Variants in GRM7 observed in about 807,000 individuals in gnomAD.
The protein encoded by GRM7 is glutamate metabotropic receptor 7, also known as metabotropic glutamate receptor 7.
GRM7 carries 35 observed loss-of-function variants against 84.5 expected under a neutral mutation model. That is an observed-to-expected ratio of 0.41 (90% CI 0.32 to 0.55). The LOEUF is 0.55. Among genes scored for constraint, GRM7 ranks in the 20% least tolerant of loss-of-function variants. GRM7 has a pLI of 0.19. For missense variants in GRM7, 1,003 were observed against 1,194.6 expected (o/e 0.84, Z 2.36); for synonymous variants, 487 against 455.1 (o/e 1.07, Z -0.89).
intron 1 of GRM7, among the ~76,000 whole-genome samples, chr3:7,043,712 A>G (rs1162800015): frequency 6.6e-6 from 1 of 152,152 alleles, no homozygotes; most frequent in Non-Finnish European, 1.5e-5. Flanking sequence ...AATGCACCTG[A>G]TGTTCTCTTG....
rs73810820 is a variant in GRM7 at position 7,632,536 on chromosome 3, C to G, written c.2452-47513C>G. On this transcript the variant is annotated intron_variant, in intron 8 of 9. Transcript: ENST00000357716. Reference sequence around the variant, plus strand: ...AAAATGGCAAAGTGATAAGAGCCATCTGAATATTGCCTTGGGGCTGTTTTC... The same window carrying G: ...AAAATGGCAAAGTGATAAGAGCCATGTGAATATTGCCTTGGGGCTGTTTTC... Among the ~76,000 whole-genome samples the G allele has an allele frequency of 5.9e-3, 906 of 152,308 alleles. 8 individuals carry two copies. The highest frequency in any genetic ancestry group is 0.02 in the African/African-American group (841 of 41,572).
chr3:7,361,249 GT>G (rs1693650944), intron 4 of GRM7, among the ~76,000 whole-genome samples: 1 of 151,852 alleles, frequency 6.6e-6, no homozygotes, highest in African/African-American at 2.4e-5. Context: ...TATTTTTAAC[GT>G]GGAAAGTACC....
At chr3:7,676,712 G>A (rs923223410) in intron 8 of GRM7, among the ~76,000 whole-genome samples, 4 of 152,054 alleles carry the variant, frequency 2.6e-5, no homozygotes, top group Admixed American at 2.0e-4. Flanking sequence ...AGGATTACAG[G>A]TGTGAGCCTA....
At chr3:7,088,228 A>G (rs1427188849) in intron 1 of GRM7, among the ~76,000 whole-genome samples, 1 of 152,160 alleles carries the variant, frequency 6.6e-6, no homozygotes, top group Non-Finnish European at 1.5e-5. Flanking sequence ...CCCACAGAGG[A>G]CACTCCTGCT....
intron 1 of GRM7, among the ~76,000 whole-genome samples, chr3:7,042,392 G>C (rs560559077): frequency 3.3e-5 from 5 of 152,260 alleles, no homozygotes; most frequent in East Asian, 3.9e-4. Context: ...TTTAATGAGA[G>C]AATAGAAAAT....
rs557622730 is a variant in GRM7, at chr3:7,471,117, C to T, written c.1515+9395C>T. 5.0e-3 allele frequency among the ~76,000 whole-genome samples: 761 copies of T among 151,696 alleles called. 1 individual carries two copies. The highest frequency in any genetic ancestry group is 8.4e-3 in the Non-Finnish European group (571 of 67,926). On this transcript the variant is annotated intron_variant, in intron 7 of 9. Transcript: ENST00000357716. ...GCAAAATACCCACCTCATAAGAACA[C>T]TTTGAAAATGAATAGTGAAAACTTC...
At chr3:6,980,662 A>T (rs1694164337) in intron 1 of GRM7, among the ~76,000 whole-genome samples, 1 of 152,216 alleles carries the variant, frequency 6.6e-6, no homozygotes, top group Admixed American at 6.5e-5. Context: ...TACACACCTG[A>T]TATACATGTA....
At chr3:6,920,073 T>G (rs1697072408) in intron 1 of GRM7, among the ~76,000 whole-genome samples, 1 of 152,190 alleles carries the variant, frequency 6.6e-6, no homozygotes. Flanking sequence ...GCCAATTGAT[T>G]AATATATAAT....
intron 8 of GRM7, among the ~76,000 whole-genome samples, chr3:7,600,684 T>C (rs1371920332): frequency 6.6e-6 from 1 of 152,206 alleles, no homozygotes; most frequent in East Asian, 1.9e-4. Flanking sequence ...AAATTACCTG[T>C]TAAAATGCCT....
intron 7 of GRM7, among the ~76,000 whole-genome samples, chr3:7,485,849 T>C (rs928924194): frequency 6.6e-6 from 1 of 152,104 alleles, no homozygotes; most frequent in Non-Finnish European, 1.5e-5. Context: ...ATAATTCATG[T>C]TCACAAACTC....
chr3:7,136,933 A>G (rs1457865464), intron 1 of GRM7, among the ~76,000 whole-genome samples: 6 of 152,214 alleles, frequency 3.9e-5, no homozygotes, highest in Admixed American at 3.3e-4. Context: ...GAAAACTACC[A>G]TGTTCCAGAA....
At chr3:7,263,877 G>A (rs1441215408) in intron 2 of GRM7, among the ~76,000 whole-genome samples, 1 of 152,118 alleles carries the variant, frequency 6.6e-6, no homozygotes, top group East Asian at 1.9e-4. Flanking sequence ...CATGCTGGTG[G>A]GGAAGGTAAG....
intron 2 of GRM7, among the ~76,000 whole-genome samples, chr3:7,195,184 A>C (rs75229802): frequency 0.048 from 7,348 of 152,250 alleles, 532 homozygotes; most frequent in African/African-American, 0.16. Context: ...AAAGTCTTGC[A>C]GGCATTGCAT....
intron 1 of GRM7, among the ~76,000 whole-genome samples, chr3:6,956,321 G>T (rs1693046395): frequency 6.6e-6 from 1 of 152,184 alleles, no homozygotes; most frequent in Non-Finnish European, 1.5e-5. Context: ...GGGTGTTAGT[G>T]GGGAGAGATG....
chr3:7,093,546 G>T (rs780067779), intron 1 of GRM7, among the ~76,000 whole-genome samples: 1 of 151,070 alleles, frequency 6.6e-6, no homozygotes, highest in East Asian at 2.0e-4. Flanking sequence ...GCATGGTGAC[G>T]CATGCCTGTA....
intron 1 of GRM7, among the ~76,000 whole-genome samples, chr3:6,999,722 T>A (rs12330819): frequency 0.047 from 7,129 of 151,806 alleles, 532 homozygotes; most frequent in African/African-American, 0.16. Context: ...AAGTGCAGAG[T>A]GAAGGAAGGG....
intron 8 of GRM7, among the ~76,000 whole-genome samples, chr3:7,644,498 G>A (rs1698530785): frequency 1.3e-5 from 2 of 152,062 alleles, no homozygotes; most frequent in South Asian, 2.1e-4. Context: ...ATTCTGTCAA[G>A]TTACTTAAAT....
intron 1 of GRM7, among the ~76,000 whole-genome samples, chr3:7,101,214 C>T (rs1013102623): frequency 2.6e-5 from 4 of 151,522 alleles, no homozygotes; most frequent in African/African-American, 9.7e-5. Context: ...TTTTTTATTC[C>T]CGCAGACAAT....
chr3:7,337,654 ATG>A (rs2125074127), intron 4 of GRM7, among the ~76,000 whole-genome samples: 1 of 152,254 alleles, frequency 6.6e-6, no homozygotes, highest in Non-Finnish European at 1.5e-5. Flanking sequence ...TATGAAAAAA[ATG>A]CTAAACATCA....
Sources: allele counts gnomAD v4.1 joint callset (sites outside exome capture counted in the v4.1 genomes callset), GRCh38; gene constraint gnomAD v4.1.1; transcripts MANE v1.5; gene names NCBI Gene and HGNC (gene_info 2026-07-23, HGNC 2026-07-21).